Variants in CNTNAP2 observed in about 807,000 individuals in gnomAD.
CNTNAP2 encodes contactin associated protein 2, also known as contactin-associated protein-like 2.
In CNTNAP2, 98 loss-of-function variants were observed where a neutral mutation model predicts 155.2. The observed-to-expected ratio is 0.63, with a 90% CI of 0.54 to 0.75. The LOEUF (loss-of-function observed/expected upper bound fraction) is 0.75. Ranked by LOEUF, CNTNAP2 falls within the 30% of genes least tolerant of loss-of-function variation. The probability of loss-of-function intolerance (pLI) is 0.00; values close to 1 mark genes in which losing one functional copy is unlikely to be tolerated. For synonymous variants in CNTNAP2, 651 were observed against 631.2 expected (o/e 1.03, Z -0.47); for missense variants, 1,727 against 1,688.1 (o/e 1.02, Z -0.40).
At chr7:146,173,136 T>A (rs34241643) in intron 1 of CNTNAP2, among the ~76,000 whole-genome samples, 41,053 of 151,890 alleles carry the variant, frequency 0.27, 5,972 homozygotes, top group African/African-American at 0.38. Flanking sequence ...AAAGGATTTT[T>A]AAAAAAAACT....
chr7:148,211,995 T>C (rs1438779342), intron 18 of CNTNAP2, among the ~76,000 whole-genome samples: 1 of 152,156 alleles, frequency 6.6e-6, no homozygotes, highest in African/African-American at 2.4e-5. Context: ...TTTAAAAATA[T>C]AGGTTGCAAA....
chr7:146,483,004 C>A (rs138185498), intron 1 of CNTNAP2, among the ~76,000 whole-genome samples: 1 of 151,150 alleles, frequency 6.6e-6, no homozygotes, highest in Non-Finnish European at 1.5e-5. Flanking sequence ...AGGCCGGGTG[C>A]GGTGGCTCAC....
chr7:147,937,901 C>T (rs371874477), intron 14 of CNTNAP2, among the ~76,000 whole-genome samples: 10 of 151,966 alleles, frequency 6.6e-5, no homozygotes, highest in Non-Finnish European at 5.9e-5. Context: ...ATGATGATGA[C>T]GATGATAATA....
chr7:147,360,935 T>G (rs1796138112), intron 9 of CNTNAP2, among the ~76,000 whole-genome samples: 1 of 152,160 alleles, frequency 6.6e-6, no homozygotes, highest in African/African-American at 2.4e-5. Flanking sequence ...TGGGTTGGAT[T>G]CATCCATTAG....
At chr7:148,087,478 C>T (rs992092072) in intron 15 of CNTNAP2, among the ~76,000 whole-genome samples, 3 of 152,182 alleles carry the variant, frequency 2.0e-5, no homozygotes, top group Admixed American at 1.3e-4. Flanking sequence ...AAGCTAATGA[C>T]CTTTCAGACT....
rs577637387 is a variant in CNTNAP2 at position 146,965,529 on chromosome 7, A to G, written c.403-78378A>G. Among the ~76,000 whole-genome samples the G allele has an allele frequency of 2.0e-5, 3 of 152,100 alleles. No homozygotes were observed. In the South Asian group the frequency reaches 6.2e-4, roughly 32 times the overall value. On this transcript the variant is annotated intron_variant, in intron 3 of 23. Transcript: ENST00000361727. ...GGCGTACACTCTAGCCTAACTAAAC[A>G]TGGGTATTTTGTTGTACTAAATAGG... is the stretch of plus-strand genomic sequence containing the variant.
chr7:146,895,930 TATTATA>T (rs1217421252), intron 3 of CNTNAP2, among the ~76,000 whole-genome samples: 3 of 152,156 alleles, frequency 2.0e-5, no homozygotes, highest in Non-Finnish European at 4.4e-5. Context: ...TGTGGAGGAT[TATTATA>T]AAATATTGCA....
intron 1 of CNTNAP2, among the ~76,000 whole-genome samples, chr7:146,223,211 T>G (rs1391984170): frequency 6.6e-6 from 1 of 152,138 alleles, no homozygotes; most frequent in Non-Finnish European, 1.5e-5. Flanking sequence ...GAGGCAAGAG[T>G]TGAAACTAGC....
At chr7:147,863,291 G>A (rs887607655) in intron 13 of CNTNAP2, among the ~76,000 whole-genome samples, 2 of 152,112 alleles carry the variant, frequency 1.3e-5, no homozygotes, top group African/African-American at 2.4e-5. Context: ...AGTATTCCAT[G>A]GGGTATATAT....
At chr7:146,185,280 T>C (rs1798606874) in intron 1 of CNTNAP2, among the ~76,000 whole-genome samples, 1 of 152,058 alleles carries the variant, frequency 6.6e-6, no homozygotes, top group South Asian at 2.1e-4. Flanking sequence ...GAGGAAAGTA[T>C]GTTTAATTAG....
intron 3 of CNTNAP2, among the ~76,000 whole-genome samples, chr7:146,902,333 T>C (rs907997769): frequency 6.6e-6 from 1 of 152,208 alleles, no homozygotes; most frequent in African/African-American, 2.4e-5. Context: ...GCAGTGCTTT[T>C]GAAATATACT....
At chr7:146,751,810 G>T (rs1801908782) in intron 1 of CNTNAP2, among the ~76,000 whole-genome samples, 1 of 151,784 alleles carries the variant, frequency 6.6e-6, no homozygotes, top group African/African-American at 2.4e-5. Flanking sequence ...GGTGTATGTT[G>T]TTCCCCTCGC....
chr7:148,173,868 C>T (rs1041565437), intron 18 of CNTNAP2, among the ~76,000 whole-genome samples: 3 of 152,178 alleles, frequency 2.0e-5, no homozygotes, highest in South Asian at 4.1e-4. Context: ...CTAATGCCTG[C>T]GAGATTCCAC....
At chr7:148,083,794 T>A (rs537563580) in intron 15 of CNTNAP2, among the ~76,000 whole-genome samples, 1 of 152,306 alleles carries the variant, frequency 6.6e-6, no homozygotes, top group Non-Finnish European at 1.5e-5. Context: ...GAAATACAAT[T>A]ACTTAATGAA....
intron 1 of CNTNAP2, among the ~76,000 whole-genome samples, chr7:146,667,321 A>G (rs1800213204): frequency 6.6e-6 from 1 of 151,972 alleles, no homozygotes; most frequent in South Asian, 2.1e-4. Flanking sequence ...TGCATTCTGT[A>G]TTTTGTTCCA....
intron 13 of CNTNAP2, among the ~76,000 whole-genome samples, chr7:147,682,584 C>T (rs560084364): frequency 1.3e-5 from 2 of 151,972 alleles, no homozygotes; most frequent in Admixed American, 6.6e-5. Context: ...ACATCTGGTG[C>T]ATAATTGTCG....
At chr7:146,547,844 G>GTT (rs1336278894) in intron 1 of CNTNAP2, among the ~76,000 whole-genome samples, 27 of 81,426 alleles carry the variant, frequency 3.3e-4, no homozygotes, top group Middle Eastern at 6.0e-3. Flanking sequence ...ACTTTATCAT[G>GTT]GTTTTTTTTT....
At chr7:146,163,537 C>CTATATA (rs1562973262) in intron 1 of CNTNAP2, among the ~76,000 whole-genome samples, 3 of 141,280 alleles carry the variant, frequency 2.1e-5, no homozygotes, top group Non-Finnish European at 3.0e-5. Context: ...CTATATATAT[C>CTATATA]TATATCTATA....
chr7:148,103,785 G>C (rs1804152433), intron 15 of CNTNAP2, among the ~76,000 whole-genome samples: 1 of 152,170 alleles, frequency 6.6e-6, no homozygotes, highest in African/African-American at 2.4e-5. Flanking sequence ...TCACTTAGCA[G>C]TTGAATGGAA....
Sources: allele counts gnomAD v4.1 joint callset (sites outside exome capture counted in the v4.1 genomes callset), GRCh38; gene constraint gnomAD v4.1.1; transcripts MANE v1.5; gene names NCBI Gene and HGNC (gene_info 2026-07-23, HGNC 2026-07-21).